The following ELMO1 variants were observed in gnomAD, a reference collection of about 807,000 sequenced individuals.
The protein encoded by ELMO1 is engulfment and cell motility protein 1.
A neutral mutation model predicts 98.9 loss-of-function variants in ELMO1; 26 were observed. The observed-to-expected ratio is 0.26, with a 90% confidence interval of 0.19 to 0.36. The LOEUF (loss-of-function observed/expected upper bound fraction) is 0.36. Among genes scored for constraint, ELMO1 ranks in the 10% least tolerant of loss-of-function variants. The pLI is 1.00. For synonymous variants in ELMO1, 346 were observed against 346.0 expected, an observed-to-expected ratio of 1.00 and a Z score of 0.00; for missense variants, 627 against 935.2, an observed-to-expected ratio of 0.67 and a Z score of 4.30.
At chr7:37,265,497 G>A (rs1277522088) in intron 5 of ELMO1, among the ~76,000 whole-genome samples, 2 of 152,014 alleles carry the variant, frequency 1.3e-5, no homozygotes, top group Non-Finnish European at 2.9e-5. Flanking sequence ...GGAAGAGAGA[G>A]TAGCTCGAAA....
intron 15 of ELMO1, among the ~76,000 whole-genome samples, chr7:37,049,422 C>T (rs1195795328): frequency 6.6e-6 from 1 of 152,182 alleles, no homozygotes; most frequent in African/African-American, 2.4e-5. Context: ...ATGCGTCCAG[C>T]TCTCTTCTCC....
At chr7:37,426,952 G>A (rs546110663) in intron 1 of ELMO1, among the ~76,000 whole-genome samples, 1 of 151,094 alleles carries the variant, frequency 6.6e-6, no homozygotes, top group East Asian at 1.9e-4. Context: ...GCCATACACC[G>A]AGAAACATTT....
intron 1 of ELMO1, among the ~76,000 whole-genome samples, chr7:37,410,602 T>A (rs962133998): frequency 6.6e-6 from 1 of 152,110 alleles, no homozygotes; most frequent in African/African-American, 2.4e-5. Context: ...AACAAATGAA[T>A]GAATAAATGA....
intron 15 of ELMO1, 89 bp from the exon 16 acceptor site, chr7:37,013,524 C>G (rs994929587): frequency 6.9e-7 from 1 of 1,450,912 alleles, no homozygotes; most frequent in Non-Finnish European, 9.4e-7. Context: ...CAAAGGGAGA[C>G]AAGCGGAGGT....
chr7:37,179,693 A>G (rs1237761408), intron 13 of ELMO1, among the ~76,000 whole-genome samples: 1 of 152,136 alleles, frequency 6.6e-6, no homozygotes, highest in African/African-American at 2.4e-5. Context: ...GGCTGGCTAC[A>G]TGGAAACAGT....
At position 37,041,365 on chromosome 7, in the gene ELMO1, T is replaced by C. The variant is rs150888890; in HGVS notation, c.1301-27930A>G. 2.3e-3 allele frequency among the ~76,000 whole-genome samples: 349 copies of C among 152,270 alleles called. 4 individuals carry two copies. The highest frequency in any genetic ancestry group is 8.1e-3 in the African/African-American group (337 of 41,570). On this transcript the variant is annotated intron_variant, in intron 15 of 21. Transcript: ENST00000310758. ...ATGGACAGACTAGAGGACCCTGAAA[T>C]ATACAAGGTCTATTTCAAACTGGAA... is the stretch of plus-strand genomic sequence containing the variant.
intron 13 of ELMO1, among the ~76,000 whole-genome samples, chr7:37,191,828 G>A (rs1017845989): frequency 2.6e-5 from 4 of 152,178 alleles, no homozygotes; most frequent in Admixed American, 6.5e-5. Flanking sequence ...TGAGCCAGGA[G>A]AATTCCATGA....
chr7:37,131,859 T>C lies in ELMO1; in HGVS notation c.1191+1271A>G, dbSNP rs151264306. On this transcript the variant is annotated intron_variant, in intron 14 of 21. Transcript: ENST00000310758. ...GTCAAAGCTTCCCAAACTCCATATA[T>C]ATAGAACAACACACAGATTTAAAAT... is the stretch of plus-strand genomic sequence containing the variant. Among the ~76,000 whole-genome samples, 1,396 of 152,278 alleles carry C rather than the reference T, an allele frequency of 9.2e-3. 9 individuals are homozygous for C. Among genetic ancestry groups the C allele is most frequent in the Middle Eastern group, 0.034 (10 of 294 alleles).
At chr7:37,300,936 C>T (rs1221281805) in intron 4 of ELMO1, among the ~76,000 whole-genome samples, 1 of 152,062 alleles carries the variant, frequency 6.6e-6, no homozygotes, top group Non-Finnish European at 1.5e-5. Context: ...ATTATTGCCA[C>T]AATTTCAGCT....
At chr7:37,226,834 T>C (rs138599995) in intron 8 of ELMO1, among the ~76,000 whole-genome samples, 144 of 152,296 alleles carry the variant, frequency 9.5e-4, no homozygotes, top group African/African-American at 3.2e-3. Context: ...TTCAGTAACA[T>C]GCATTGCGTG....
chr7:36,946,493 T>G (rs903179487), intron 16 of ELMO1, among the ~76,000 whole-genome samples: 1 of 152,230 alleles, frequency 6.6e-6, no homozygotes, highest in African/African-American at 2.4e-5. Context: ...CTTTGTAATT[T>G]AATCTTCAAA....
intron 10 of ELMO1, among the ~76,000 whole-genome samples, chr7:37,222,108 T>A (rs767659056): frequency 4.6e-5 from 7 of 152,190 alleles, no homozygotes; most frequent in Non-Finnish European, 7.3e-5. Flanking sequence ...AATGCAGTTA[T>A]CTCCACAAGG....
At chr7:37,385,520 C>T (rs1802763580) in intron 1 of ELMO1, among the ~76,000 whole-genome samples, 1 of 152,328 alleles carries the variant, frequency 6.6e-6, no homozygotes. Context: ...AAATGGTGCT[C>T]TCTGTCCTTC....
intron 16 of ELMO1, among the ~76,000 whole-genome samples, chr7:36,898,070 AG>A (rs1806177756): frequency 2.0e-5 from 3 of 152,242 alleles, no homozygotes; most frequent in African/African-American, 7.2e-5. Flanking sequence ...CCTCTGTGAA[AG>A]GTATCATTAA....
intron 18 of ELMO1, among the ~76,000 whole-genome samples, chr7:36,881,781 T>C (rs1423691439): frequency 1.3e-5 from 2 of 152,226 alleles, no homozygotes; most frequent in Non-Finnish European, 2.9e-5. Flanking sequence ...TAATAACCAC[T>C]GTCAACTGTA....
intron 6 of ELMO1, among the ~76,000 whole-genome samples, chr7:37,257,448 G>C (rs940345419): frequency 1.3e-5 from 2 of 151,918 alleles, no homozygotes; most frequent in African/African-American, 4.8e-5. Flanking sequence ...AATTAGGCCA[G>C]GCACGGTGGC....
intron 1 of ELMO1, among the ~76,000 whole-genome samples, chr7:37,410,634 T>G (rs1290703593): frequency 1.3e-5 from 2 of 152,098 alleles, no homozygotes; most frequent in Non-Finnish European, 2.9e-5. Flanking sequence ...GAAAATGAAA[T>G]GAACAGTAAT....
At chr7:37,283,039 C>T (rs946814411) in intron 4 of ELMO1, among the ~76,000 whole-genome samples, 34 of 152,158 alleles carry the variant, frequency 2.2e-4, no homozygotes, top group Non-Finnish European at 3.1e-4. Flanking sequence ...GCCTGTTCTG[C>T]AATAAATGGT....
At chr7:37,411,638 A>G (rs982050642) in intron 1 of ELMO1, among the ~76,000 whole-genome samples, 1 of 152,210 alleles carries the variant, frequency 6.6e-6, no homozygotes, top group Non-Finnish European at 1.5e-5. Context: ...GTGCGGGGCC[A>G]AGGAAGAAGG....
Sources: allele counts gnomAD v4.1 joint callset (sites outside exome capture counted in the v4.1 genomes callset), GRCh38; gene constraint gnomAD v4.1.1; transcripts MANE v1.5; gene names NCBI Gene and HGNC (gene_info 2026-07-23, HGNC 2026-07-21).